Variants in CNTNAP5 observed in about 807,000 individuals in gnomAD.
CNTNAP5 encodes contactin-associated protein-like 5.
Under a neutral mutation model 150.2 loss-of-function variants are expected in CNTNAP5, and 72 were observed. The observed-to-expected ratio is 0.48, with a 90% CI of 0.40 to 0.58. The LOEUF (loss-of-function observed/expected upper bound fraction) is 0.58, where lower values mean the gene tolerates loss of function less well. Among genes scored for constraint, CNTNAP5 ranks in the 20% least tolerant of loss-of-function variants. The pLI, the probability that CNTNAP5 is intolerant of heterozygous loss-of-function variation, is 0.00. For missense variants in CNTNAP5, 1,636 were observed against 1,626.2 expected (o/e 1.01, Z -0.10); for synonymous variants, 672 against 619.8 (o/e 1.08, Z -1.25).
At chr2:124,880,799 C>A (rs1217697234) in intron 21 of CNTNAP5, among the ~76,000 whole-genome samples, 3 of 152,054 alleles carry the variant, frequency 2.0e-5, no homozygotes, top group Non-Finnish European at 4.4e-5. Context: ...TTGATAAGTG[C>A]TTTACAGATG....
At chr2:124,043,233 C>G (rs761114062) in intron 1 of CNTNAP5, among the ~76,000 whole-genome samples, 2 of 152,128 alleles carry the variant, frequency 1.3e-5, no homozygotes, top group Non-Finnish European at 2.9e-5. Flanking sequence ...CACCACATTC[C>G]CTAAAACATT....
intron 19 of CNTNAP5, among the ~76,000 whole-genome samples, chr2:124,845,031 A>G (rs759355838): frequency 7.2e-5 from 11 of 152,090 alleles, no homozygotes; most frequent in Non-Finnish European, 1.5e-4. Flanking sequence ...AGAAGTGGTA[A>G]AAGTGGGCAT....
At chr2:124,362,171 C>T (rs35378645) in intron 3 of CNTNAP5, among the ~76,000 whole-genome samples, 2,948 of 152,318 alleles carry the variant, frequency 0.019, 42 homozygotes, top group South Asian at 0.046. Flanking sequence ...CTTCGGCTGG[C>T]GCATGGTGCG....
chr2:124,553,823 A>G (rs1042969187), intron 10 of CNTNAP5, among the ~76,000 whole-genome samples: 3 of 152,146 alleles, frequency 2.0e-5, no homozygotes, highest in African/African-American at 7.2e-5. Flanking sequence ...AGTGCTCCAG[A>G]CTGAACAAAT....
intron 3 of CNTNAP5, among the ~76,000 whole-genome samples, chr2:124,309,611 A>T (rs1688774849): frequency 6.6e-6 from 1 of 152,240 alleles, no homozygotes; most frequent in Admixed American, 6.5e-5. Flanking sequence ...ATGATGATGT[A>T]AGGTCCCCAG....
intron 3 of CNTNAP5, 82 bp downstream of exon 3, chr2:124,242,475 T>A: frequency 7.5e-7 from 1 of 1,335,576 alleles, no homozygotes; most frequent in South Asian, 1.4e-5. Context: ...TTTTCCAATA[T>A]CCAGATTGTT....
At chr2:124,346,153 T>C (rs1573930671) in intron 3 of CNTNAP5, among the ~76,000 whole-genome samples, 2 of 152,178 alleles carry the variant, frequency 1.3e-5, no homozygotes, top group African/African-American at 4.8e-5. Context: ...CACACTCACT[T>C]GCTTACTTAA....
At chr2:124,285,070 T>C (rs2104627305) in intron 3 of CNTNAP5, among the ~76,000 whole-genome samples, 1 of 152,206 alleles carries the variant, frequency 6.6e-6, no homozygotes, top group South Asian at 2.1e-4. Flanking sequence ...TTGAAACAGG[T>C]TAGTTCTTGG....
At chr2:124,829,544 A>G (rs1046758028) in intron 19 of CNTNAP5, among the ~76,000 whole-genome samples, 4 of 152,130 alleles carry the variant, frequency 2.6e-5, no homozygotes, top group Admixed American at 6.6e-5. Flanking sequence ...GATACTAGAG[A>G]TTATACATAG....
chr2:124,652,167 A>T (rs1678337379), intron 13 of CNTNAP5, among the ~76,000 whole-genome samples: 1 of 152,188 alleles, frequency 6.6e-6, no homozygotes, highest in Admixed American at 6.5e-5. Flanking sequence ...GAAGGTTTAT[A>T]CTAGAAACTC....
In CNTNAP5 at chr2:124,839,709, G is replaced by A. The variant is rs1402110289; in HGVS notation, c.3218-25597G>A. On this transcript the variant is annotated intron_variant, in intron 19 of 23. Transcript: ENST00000682447. ...CTGCCTTATAAACCAAAACACAGTGGGACAGAGTGAAAAGCCCTTTAGCAT... is the reference window on the plus strand; with the variant it reads ...CTGCCTTATAAACCAAAACACAGTGAGACAGAGTGAAAAGCCCTTTAGCAT... Among the ~76,000 whole-genome samples the A allele has an allele frequency of 2.6e-5, 4 of 152,028 alleles. No individual in the cohort carries two copies. The East Asian group carries it at 5.8e-4, about 22-fold the overall frequency.
intron 17 of CNTNAP5, among the ~76,000 whole-genome samples, chr2:124,786,211 T>C (rs1309853514): frequency 6.6e-6 from 1 of 150,852 alleles, no homozygotes; most frequent in Non-Finnish European, 1.5e-5. Flanking sequence ...TGCAGTGCGC[T>C]ATGATCACAC....
chr2:124,080,391 A>C (rs543548283), intron 1 of CNTNAP5, among the ~76,000 whole-genome samples: 1 of 152,132 alleles, frequency 6.6e-6, no homozygotes, highest in African/African-American at 2.4e-5. Flanking sequence ...TAAACAAATG[A>C]CTCTTAAATT....
At chr2:124,739,579 C>A (rs1191403514) in intron 13 of CNTNAP5, among the ~76,000 whole-genome samples, 2 of 152,064 alleles carry the variant, frequency 1.3e-5, no homozygotes, top group Non-Finnish European at 2.9e-5. Context: ...AAGCCCCCAG[C>A]GCTTAACTGC....
intron 3 of CNTNAP5, among the ~76,000 whole-genome samples, chr2:124,380,244 A>G (rs1170782083): frequency 6.6e-6 from 1 of 151,956 alleles, no homozygotes; most frequent in Non-Finnish European, 1.5e-5. Context: ...TTATTTTTAA[A>G]AGCCATCTTA....
chr2:124,364,709 T>C (rs2104719674), intron 3 of CNTNAP5, among the ~76,000 whole-genome samples: 1 of 152,342 alleles, frequency 6.6e-6, no homozygotes, highest in African/African-American at 2.4e-5. Flanking sequence ...GTTAATTTCC[T>C]GAGATAGAAT....
chr2:124,856,534 G>A (rs1221986407), intron 19 of CNTNAP5, among the ~76,000 whole-genome samples: 1 of 152,074 alleles, frequency 6.6e-6, no homozygotes, highest in East Asian at 1.9e-4. Context: ...GGCCATTCTT[G>A]CAGGAGTAAG....
intron 7 of CNTNAP5, among the ~76,000 whole-genome samples, chr2:124,485,653 G>A (rs1350910729): frequency 4.8e-5 from 7 of 144,738 alleles, no homozygotes; most frequent in South Asian, 2.3e-4. Context: ...TGCATTTACC[G>A]GGGAACACAT....
At chr2:124,484,478 C>G (rs944674176) in intron 7 of CNTNAP5, among the ~76,000 whole-genome samples, 2 of 152,156 alleles carry the variant, frequency 1.3e-5, no homozygotes, top group Admixed American at 1.3e-4. Context: ...GTTTTTTAAG[C>G]TGTCTCTGCT....
Sources: gnomAD v4.1 joint callset for allele counts (sites outside exome capture counted in the v4.1 genomes callset) on GRCh38, gnomAD v4.1.1 for gene constraint, MANE v1.5 for transcripts, NCBI Gene and HGNC (gene_info 2026-07-23, HGNC 2026-07-21) for gene names.